The following SEMA4F variants were observed in gnomAD, a reference collection of about 807,000 sequenced individuals.
SEMA4F encodes the protein semaphorin-4F.
A neutral mutation model predicts 78.4 loss-of-function variants in SEMA4F; 51 were observed. That is an observed-to-expected ratio of 0.65 (90% CI 0.52 to 0.82). The LOEUF (loss-of-function observed/expected upper bound fraction) is 0.82, where lower values mean the gene tolerates loss of function less well. SEMA4F is among the 40% of genes least tolerant of loss of function. SEMA4F has a pLI of 0.00. For synonymous variants in SEMA4F, 418 were observed against 408.7 expected, an observed-to-expected ratio of 1.02 and a Z score of -0.27; for missense variants, 938 against 1,014.4, an observed-to-expected ratio of 0.92 and a Z score of 1.02.
Position 74,673,528 on chromosome 2 carries a change from C to T in SEMA4F, c.622C>T (p.Arg208Cys), listed in dbSNP as rs992193274. The change falls in exon 6 of 14, where the codon CGT becomes TGT. Residue 208 changes from arginine (R) to cysteine (C), a missense_variant. Transcript: ENST00000357877. ...GCCAATTATCACCAGAGCAGTGGGT[C>T]GTGCCGAGGACTGGATTCGGACAGA... ...TEPIITRAVGRAEDWIRTDTL... is the reference protein window; with the variant it reads ...TEPIITRAVGCAEDWIRTDTL... 11 of 1,613,954 alleles carry T rather than the reference C, an allele frequency of 6.8e-6. No homozygotes were observed. The highest frequency in any genetic ancestry group is 1.6e-4 in the Middle Eastern group (1 of 6,084).
the SEMA4F span, among the ~76,000 whole-genome samples, chr2:74,707,880 A>G: frequency 3.3e-5 from 5 of 152,168 alleles, no homozygotes; most frequent in African/African-American, 1.2e-4. Context: ...GAGAGAGCCC[A>G]GGAGATCCTC....
chr2:74,660,111 A>G (rs1558719470), intron 4 of SEMA4F, among the ~76,000 whole-genome samples: 1 of 152,258 alleles, frequency 6.6e-6, no homozygotes, highest in Non-Finnish European at 1.5e-5. Context: ...ACTTGGTATT[A>G]GGTACTTTAC....
chr2:74,678,251 G>T (rs1372680645), intron 12 of SEMA4F, among the ~76,000 whole-genome samples: 1 of 152,164 alleles, frequency 6.6e-6, no homozygotes, highest in African/African-American at 2.4e-5. Flanking sequence ...ATGAGTGGAG[G>T]GGGGTGGTGG....
At chr2:74,666,752 C>A (rs916601507) in intron 5 of SEMA4F, among the ~76,000 whole-genome samples, 2 of 151,936 alleles carry the variant, frequency 1.3e-5, no homozygotes, top group African/African-American at 4.8e-5. Context: ...ATCATTAGAA[C>A]CAAAATTCCC....
At chr2:74,657,439 A>G (rs752820243) in intron 2 of SEMA4F, 126 bp from the exon 3 acceptor site, 59 of 742,432 alleles carry the variant, frequency 7.9e-5, no homozygotes, top group Middle Eastern at 5.2e-4. Context: ...TTGAAAAACA[A>G]TGCTCTAGGG....
At chr2:74,704,097 A>G in the SEMA4F span, among the ~76,000 whole-genome samples, 1 of 152,096 alleles carries the variant, frequency 6.6e-6, no homozygotes, top group Admixed American at 6.5e-5. Context: ...ATGAGTGTCA[A>G]ATCTCCAAAG....
In SEMA4F at chr2:74,679,768, C is replaced by T. The variant is rs371981015; in HGVS notation, c.1872C>T (p.Gly624=). Residue 624 remains glycine, a synonymous_variant, in exon 14 of 14, where the codon GGC becomes GGT. Coordinates refer to ENST00000357877, the MANE Select transcript of SEMA4F (RefSeq NM_004263.5). ...TGGTGGTGACCCCAGGGGCCATGGGCGCTTATGCCTGTGAATGTCAGGAGG... is the reference window on the plus strand; with the variant it reads ...TGGTGGTGACCCCAGGGGCCATGGGTGCTTATGCCTGTGAATGTCAGGAGG... ...LEVVVTPGAM[G]AYACECQEGG... 18 of 1,613,998 alleles carry T rather than the reference C, an allele frequency of 1.1e-5. No individual in the cohort carries two copies. Among genetic ancestry groups the T allele is most frequent in the Middle Eastern group, 1.6e-4 (1 of 6,082 alleles).
chr2:74,696,185 C>CTT, the SEMA4F span, among the ~76,000 whole-genome samples: 1,073 of 108,834 alleles, frequency 9.9e-3, 14 homozygotes, highest in South Asian at 0.015. Flanking sequence ...TCTCCTGCCT[C>CTT]TTTTTTTTTT....
chr2:74,701,887 C>G, the SEMA4F span, among the ~76,000 whole-genome samples: 1 of 152,076 alleles, frequency 6.6e-6, no homozygotes, highest in African/African-American at 2.4e-5. Flanking sequence ...GCCTGGAAGC[C>G]CAGGAAAAAG....
the SEMA4F span, among the ~76,000 whole-genome samples, chr2:74,696,141 T>A: frequency 0.015 from 2,304 of 151,112 alleles, 60 homozygotes; most frequent in African/African-American, 0.052. Context: ...TGATTAAAAA[T>A]ATATATATAA....
chr2:74,675,095 C>T, intron 9 of SEMA4F, 60 bp downstream of exon 9: 1 of 1,613,396 alleles, frequency 6.2e-7, no homozygotes, highest in Non-Finnish European at 8.5e-7. Context: ...AGGCAAGAGC[C>T]CCACTAAGCA....
chr2:74,691,022 A>T, the SEMA4F span, among the ~76,000 whole-genome samples: 1 of 152,208 alleles, frequency 6.6e-6, no homozygotes, highest in Non-Finnish European at 1.5e-5. Context: ...TGGTCATCCA[A>T]AGTGCTTCAG....
At chr2:74,689,421 A>G in the SEMA4F span, among the ~76,000 whole-genome samples, 1 of 152,210 alleles carries the variant, frequency 6.6e-6, no homozygotes, top group Non-Finnish European at 1.5e-5. Context: ...AAATTAGTAC[A>G]CACTCTATGG....
Position 74,674,956 on chromosome 2 carries a change from C to T in SEMA4F, c.1070C>T (p.Pro357Leu), listed in dbSNP as rs774862148. 4 of 1,613,842 alleles carry T rather than the reference C, an allele frequency of 2.5e-6. No individual in the cohort carries two copies. Among genetic ancestry groups the T allele is most frequent in the Non-Finnish European group, 3.4e-6 (4 of 1,179,984 alleles). The change falls in exon 9 of 14, where the codon CCC (proline) becomes CTC (leucine). Residue 357 changes from proline to leucine, a missense_variant. Pro to Leu is a moderately conservative substitution (Grantham distance 98, BLOSUM62 -3). Coordinates refer to ENST00000357877, the MANE Select transcript of SEMA4F (RefSeq NM_004263.5). ...GACATTCGGACAGTGCTGAATGGTCCCTTCAGAGAACTAAAACATGACTGC... is the reference window on the plus strand; with the variant it reads ...GACATTCGGACAGTGCTGAATGGTCTCTTCAGAGAACTAAAACATGACTGC... ...PQDIRTVLNG[P>L]FRELKHDCNR...
chr2:74,676,654 A>G (rs1201756027), intron 12 of SEMA4F, among the ~76,000 whole-genome samples: 1 of 152,012 alleles, frequency 6.6e-6, no homozygotes, highest in Non-Finnish European at 1.5e-5. Context: ...CTAGCACCCA[A>G]ATGTCCTTAG....
In SEMA4F at chr2:74,673,585, A is replaced by G. The variant is rs1685101690; in HGVS notation, c.670+9A>G. On this transcript the variant is annotated intron_variant, in intron 6 of 13. Coordinates refer to ENST00000357877, the MANE Select transcript of SEMA4F (RefSeq NM_004263.5). The stretch of plus-strand genomic sequence containing the variant: ...GCCTTCCTGGCTGAACGGTGGGGAG[A>G]GGGAGAGGGGTCCTCTGGGGAGACC... The G allele has an allele frequency of 1.2e-6, 2 of 1,613,844 alleles. No homozygotes were observed. Among genetic ancestry groups the G allele is most frequent in the African/African-American group, 2.7e-5 (2 of 74,914 alleles).
the SEMA4F span, among the ~76,000 whole-genome samples, chr2:74,689,932 A>G: frequency 6.6e-6 from 1 of 152,244 alleles, no homozygotes; most frequent in Non-Finnish European, 1.5e-5. Flanking sequence ...CCTGGCTAAT[A>G]GGAATGACTG....
rs1388287256 is a variant in SEMA4F at position 74,674,994 on chromosome 2, C to T, written c.1108C>T (p.Pro370Ser). ...AAAACATGACTGCAACAGAGGACTG[C>T]CTGTCGTGGACAATGATGTGCCCCA... ...ELKHDCNRGL[P>S]VVDNDVPQPR... The change falls in exon 9 of 14, where the codon CCT becomes TCT. Residue 370 changes from proline to serine, a missense_variant. Coordinates refer to ENST00000357877, the MANE Select transcript of SEMA4F (RefSeq NM_004263.5). 2.5e-6 allele frequency: 4 copies of T among 1,613,886 alleles called. No individual in the cohort carries two copies. Among genetic ancestry groups the T allele is most frequent in the Non-Finnish European group, 3.4e-6 (4 of 1,179,972 alleles).
chr2:74,688,301 C>G (rs758303867), downstream of SEMA4F, among the ~76,000 whole-genome samples: 1 of 152,178 alleles, frequency 6.6e-6, no homozygotes, highest in Non-Finnish European at 1.5e-5. Context: ...CTCCTTCACT[C>G]ATTGTTCATT....
Sources: gnomAD v4.1 joint callset for allele counts (sites outside exome capture counted in the v4.1 genomes callset) on GRCh38, gnomAD v4.1.1 for gene constraint, MANE v1.5 for transcripts, NCBI Gene and HGNC (gene_info 2026-07-23, HGNC 2026-07-21) for gene names.